The following KLF1 variants were observed in gnomAD, a reference collection of about 807,000 sequenced individuals.
The protein encoded by KLF1 is Krueppel-like factor 1.
A neutral mutation model predicts 28.0 loss-of-function variants in KLF1; 29 were observed. The observed-to-expected ratio is 1.04, with a 90% confidence interval of 0.77 to 1.41. KLF1 has a LOEUF of 1.41. KLF1 is among the 40% of genes most tolerant of loss of function. The pLI is 0.00. For missense variants in KLF1, 508 were observed against 515.1 expected (o/e 0.99, Z 0.13); for synonymous variants, 262 against 242.6 (o/e 1.08, Z -0.74).
Position 12,884,736 on chromosome 19 carries a change from T to C in KLF1, c.*149A>G. ...TATGGGTCCGTGTTTGATATTTGGG[T>C]GGATCTTTGGGAACGCGAGTCCAGG... On this transcript the variant is annotated 3_prime_UTR_variant, in exon 3 of 3. Coordinates refer to ENST00000264834, the MANE Select transcript of KLF1 (RefSeq NM_006563.5). 1 of 831,288 alleles carries C rather than the reference T, an allele frequency of 1.2e-6. No homozygotes were observed. The highest frequency in any genetic ancestry group is 1.9e-6 in the Non-Finnish European group (1 of 514,912). 51.5% of individuals were successfully genotyped at this position (831,288 alleles called of 1,614,324 possible). A position where few individuals can be genotyped will look rare whatever the true frequency, so the allele number is the denominator to read the frequency against.
Position 12,886,166 on chromosome 19 carries a change from G to A in KLF1, c.88-24C>T, listed in dbSNP as rs775195840. ...CACTGCGGGAGGGAGCAGGCAGCTC[G>A]AGGTTCGGTGGACACTGGGGTGCCC... On this transcript the variant is annotated intron_variant, in intron 1 of 2. Coordinates refer to ENST00000264834, the MANE Select transcript of KLF1 (RefSeq NM_006563.5). The A allele has an allele frequency of 3.2e-6, 5 of 1,570,956 alleles. No individual in the cohort carries two copies. The Admixed American group carries it at 6.8e-5, about 21-fold the overall frequency.
rs1290596172 is a variant in KLF1, at chr19:12,884,935, C to T, written c.1039G>A (p.Ala347Thr). ...RPFRCQLCPR[A>T]FSRSDHLALH... The stretch of plus-strand genomic sequence containing the variant: ...GCCAGGTGGTCAGAGCGCGAAAAAG[C>T]ACGTGGGCAGAGCTGGCAGCGGAAG... Residue 347 changes from alanine (A) to threonine (T), a missense_variant, in exon 3 of 3, where the codon GCT becomes ACT. Transcript: ENST00000264834. 1.9e-6 allele frequency: 3 copies of T among 1,613,822 alleles called. No individual in the cohort carries two copies. Among genetic ancestry groups the T allele is most frequent in the Non-Finnish European group, 2.5e-6 (3 of 1,180,044 alleles).
chr19:12,885,307 G>A lies in KLF1; in HGVS notation c.913+10C>T, dbSNP rs1970424266. The A allele has an allele frequency of 1.3e-6, 2 of 1,567,326 alleles. No homozygotes were observed. The highest frequency in any genetic ancestry group is 8.7e-7 in the Non-Finnish European group (1 of 1,155,316). On this transcript the variant is annotated intron_variant, in intron 2 of 2. Transcript: ENST00000264834. The surrounding 1 kb of genome is among the most constrained non-coding windows in gnomAD (Gnocchi z 5.6). ...CGCCCTTTCTCATGTCCGGGGCCCC[G>A]CCCCCTCACCTGTGTGCGTGCGCAG...
In KLF1 at chr19:12,885,928, G is replaced by A. The variant is rs1465444534; in HGVS notation, c.302C>T (p.Ala101Val). The A allele has an allele frequency of 6.4e-7, 1 of 1,554,228 alleles. No individual in the cohort carries two copies. ...PQTCALAPSE[A>V]SGAQYPPPPE... ...CGGCGGCGGATATTGCGCCCCGGAG[G>A]CCTCGCTGGGCGCCAGAGCGCAGGT... is the stretch of plus-strand genomic sequence containing the variant. The change falls in exon 2 of 3, where the codon GCC (alanine) becomes GTC (valine). Residue 101 changes from alanine to valine, a missense_variant. Physicochemically the swap from Ala to Val is moderately conservative, Grantham distance 64 (BLOSUM62 0). Coordinates refer to ENST00000264834, the MANE Select transcript of KLF1 (RefSeq NM_006563.5). This position sits in a 1 kb window ranked among gnomAD's most constrained non-coding sequence, Gnocchi z 5.6.
rs558942739 is a variant in KLF1, at chr19:12,885,421, G to C, written c.809C>G (p.Ser270Trp). The change falls in exon 2 of 3, where the codon TCG (serine) becomes TGG (tryptophan). Residue 270 changes from serine to tryptophan, a missense_variant. By Grantham distance (177) the Ser-to-Trp change is radical. Transcript: ENST00000264834. The surrounding 1 kb of genome is among the most constrained non-coding windows in gnomAD (Gnocchi z 5.6). The part of the protein sequence containing the change: ...ETAPSKRGRR[S>W]WARKRQAAHT... Reference sequence around the variant, plus strand: ...CGCTGCCTGCCTCTTGCGCGCCCACGAACGTCGGCCTCGCTTGGATGGCGC... The same window carrying C: ...CGCTGCCTGCCTCTTGCGCGCCCACCAACGTCGGCCTCGCTTGGATGGCGC... 7 of 1,606,066 alleles carry C rather than the reference G, an allele frequency of 4.4e-6. No homozygotes were observed. The East Asian group carries it at 1.6e-4, about 36-fold the overall frequency.
rs778995946 is a variant in KLF1, at chr19:12,884,994, G to C, written c.980C>G (p.Thr327Ser). The change falls in exon 3 of 3, where the codon ACC becomes AGC. Residue 327 changes from threonine to serine, a missense_variant. Transcript: ENST00000264834. Reference protein sequence around the residue: ...GWRFARSDELTRHYRKHTGQR... With the variant: ...GWRFARSDELSRHYRKHTGQR... ...CCCCGTGTGTTTCCGGTAGTGGCGGGTCAGCTCGTCCGAGCGCGCGAATCT... is the reference window on the plus strand; with the variant it reads ...CCCCGTGTGTTTCCGGTAGTGGCGGCTCAGCTCGTCCGAGCGCGCGAATCT... 3.0e-5 allele frequency: 49 copies of C among 1,610,924 alleles called. No individual in the cohort carries two copies. The highest frequency in any genetic ancestry group is 4.0e-5 in the Non-Finnish European group (47 of 1,179,880).
chr19:12,886,729 C>T (rs756262796), intron 1 of KLF1, among the ~76,000 whole-genome samples: 61 of 151,610 alleles, frequency 4.0e-4, no homozygotes, highest in Non-Finnish European at 8.1e-4. Flanking sequence ...CATCAGCCTA[C>T]GGAGTACCTG....
At position 12,885,495 on chromosome 19, in the gene KLF1, G is replaced by A. The variant is rs749588654; in HGVS notation, c.735C>T (p.Gly245=). Reference sequence around the variant, plus strand: ...CCTCTGCAGTCCCCCCGAGTCCAGTGCCCACCGTCCCGGGTCCCAAACAAC... The same window carrying A: ...CCTCTGCAGTCCCCCCGAGTCCAGTACCCACCGTCCCGGGTCCCAAACAAC... The part of the protein sequence containing the change: ...FLSCLGPGTV[G]TGLGGTAEDP... The change falls in exon 2 of 3, where the codon GGC becomes GGT. Residue 245 remains glycine, a synonymous_variant. Transcript: ENST00000264834. The surrounding 1 kb of genome is among the most constrained non-coding windows in gnomAD (Gnocchi z 5.6). 1 of 1,599,814 alleles carries A rather than the reference G, an allele frequency of 6.3e-7. No individual in the cohort carries two copies. Among genetic ancestry groups the A allele is most frequent in the Non-Finnish European group, 8.5e-7 (1 of 1,174,034 alleles).
In KLF1 at chr19:12,887,034, C is replaced by T. The variant is rs1401560657; in HGVS notation, c.87+20G>A. ...CTGGATTCCAGCCAGCCCACCTAGA[C>T]CCCACCTTCTAGGCCCCACCTTGAG... is the stretch of plus-strand genomic sequence containing the variant. On this transcript the variant is annotated intron_variant, in intron 1 of 2. Transcript: ENST00000264834. The surrounding 1 kb of genome is among the most constrained non-coding windows in gnomAD (Gnocchi z 4.7). 1 of 1,612,952 alleles carries T rather than the reference C, an allele frequency of 6.2e-7. No homozygotes were observed. The highest frequency in any genetic ancestry group is 8.5e-7 in the Non-Finnish European group (1 of 1,178,946).
Position 12,885,027 on chromosome 19 carries a change from C to T in KLF1, c.947G>A (p.Cys316Tyr), listed in dbSNP as rs2145926967. The T allele has an allele frequency of 6.2e-7, 1 of 1,608,718 alleles. No individual in the cohort carries two copies. The highest frequency in any genetic ancestry group is 2.2e-5 in the East Asian group (1 of 44,876). Residue 316 changes from cysteine to tyrosine, a missense_variant, in exon 3 of 3, where the codon TGC becomes TAC. Physicochemically the swap from Cys to Tyr is radical, Grantham distance 194. Coordinates refer to ENST00000264834, the MANE Select transcript of KLF1 (RefSeq NM_006563.5). The surrounding 1 kb of genome is among the most constrained non-coding windows in gnomAD (Gnocchi z 5.6). ...GTCCGAGCGCGCGAATCTCCAGCCG[C>T]AGCCTTCCCACGTGCAGGCGTATGG... ...EKPYACTWEG[C>Y]GWRFARSDEL...
Position 12,886,020 on chromosome 19 carries a change from G to T in KLF1, c.210C>A (p.Asp70Glu). 1 of 1,602,580 alleles carries T rather than the reference G, an allele frequency of 6.2e-7. No individual in the cohort carries two copies. Among genetic ancestry groups the T allele is most frequent in the Non-Finnish European group, 8.5e-7 (1 of 1,175,496 alleles). The change falls in exon 2 of 3, where the codon GAC becomes GAA. Residue 70 changes from aspartate to glutamate, a missense_variant. Transcript: ENST00000264834. ...GEEEDDERGADATWDLDLLLT... is the reference protein window; with the variant it reads ...GEEEDDERGAEATWDLDLLLT... ...GGAGGAGATCCAGGTCCCAGGTGGC[G>T]TCCGCGCCCCTCTCATCGTCCTCTT...
Position 12,885,609 on chromosome 19 carries a change from G to A in KLF1, c.621C>T (p.Tyr207=). 2 of 1,553,424 alleles carry A rather than the reference G, an allele frequency of 1.3e-6. No homozygotes were observed. Among genetic ancestry groups the A allele is most frequent in the African/African-American group, 1.4e-5 (1 of 73,532 alleles). ...AGTGCCCTTGGTACTGAGGCGCCGG[G>A]TACATCGCGGGGTACCCGGACAGTA... The part of the protein sequence containing the change: ...YGLLSGYPAM[Y]PAPQYQGHFQ... The change falls in exon 2 of 3, where the codon TAC becomes TAT. Residue 207 remains tyrosine, a synonymous_variant. Transcript: ENST00000264834. The surrounding 1 kb of genome is among the most constrained non-coding windows in gnomAD (Gnocchi z 5.6).
rs779672835 is a variant in KLF1 at position 12,887,081 on chromosome 19, G to T, written c.60C>A (p.Phe20Leu). Reference sequence around the variant, plus strand: ...TGAGGAAGTCATCCTGTGTGTCCGGGAAGGGGCCCAGGGCGGTCAGTGTGC... The same window carrying T: ...TGAGGAAGTCATCCTGTGTGTCCGGTAAGGGGCCCAGGGCGGTCAGTGTGC... Reference protein sequence around the residue: ...SISTLTALGPFPDTQDDFLKW... With the variant: ...SISTLTALGPLPDTQDDFLKW... The change falls in exon 1 of 3, where the codon TTC becomes TTA. Residue 20 changes from phenylalanine to leucine, a missense_variant. Physicochemically the swap from Phe to Leu is conservative, Grantham distance 22. Transcript: ENST00000264834. This position sits in a 1 kb window ranked among gnomAD's most constrained non-coding sequence, Gnocchi z 4.7. 2 of 1,614,194 alleles carry T rather than the reference G, an allele frequency of 1.2e-6. No individual in the cohort carries two copies. Among genetic ancestry groups the T allele is most frequent in the Non-Finnish European group, 1.7e-6 (2 of 1,180,026 alleles).
In KLF1 at chr19:12,885,992, T is replaced by A; in HGVS notation, c.238A>T (p.Thr80Ser). 1 of 1,592,932 alleles carries A rather than the reference T, an allele frequency of 6.3e-7. No homozygotes were observed. Among genetic ancestry groups the A allele is most frequent in the South Asian group, 1.1e-5 (1 of 88,166 alleles). ...DATWDLDLLLTNFSGPEPGGA... is the reference protein window; with the variant it reads ...DATWDLDLLLSNFSGPEPGGA... ...CCGGGCTCCGGGCCCGAGAAGTTGG[T>A]GAGGAGGAGATCCAGGTCCCAGGTG... The change falls in exon 2 of 3, where the codon ACC becomes TCC. Residue 80 changes from threonine to serine, a missense_variant. Coordinates refer to ENST00000264834, the MANE Select transcript of KLF1 (RefSeq NM_006563.5). The surrounding 1 kb of genome is among the most constrained non-coding windows in gnomAD (Gnocchi z 5.6).
In KLF1 at chr19:12,884,775, G is replaced by T. The variant is rs185829666; in HGVS notation, c.*110C>A. ...CGCGAGTCCAGGAGAGGGTCCATTC[G>T]TGGGAAAACCACCCAGCATTGTGTC... On this transcript the variant is annotated 3_prime_UTR_variant, in exon 3 of 3. Coordinates refer to ENST00000264834, the MANE Select transcript of KLF1 (RefSeq NM_006563.5). 2 of 1,230,234 alleles carry T rather than the reference G, an allele frequency of 1.6e-6. No homozygotes were observed. Among genetic ancestry groups the T allele is most frequent in the Non-Finnish European group, 2.3e-6 (2 of 852,466 alleles). The allele number at this position is 1,230,234 out of a possible 1,614,324, so 76.2% of individuals were successfully genotyped here.
At position 12,885,268 on chromosome 19, in the gene KLF1, T is replaced by C; in HGVS notation, c.913+49A>G. 1.3e-6 allele frequency: 2 copies of C among 1,502,124 alleles called. No individual in the cohort carries two copies. The highest frequency in any genetic ancestry group is 1.8e-6 in the Non-Finnish European group (2 of 1,106,178). The allele number at this position is 1,502,124 out of a possible 1,614,324, so 93.0% of individuals were successfully genotyped here. A position where few individuals can be genotyped will look rare whatever the true frequency, so the allele number is the denominator to read the frequency against. ...TCTGCAACCCTTCTTCCCCTGTAAC[T>C]ACAGCGGGCGCCGCGCCCTTTCTCA... is the stretch of plus-strand genomic sequence containing the variant. On this transcript the variant is annotated intron_variant, in intron 2 of 2. Transcript: ENST00000264834. The surrounding 1 kb of genome is among the most constrained non-coding windows in gnomAD (Gnocchi z 5.6).
chr19:12,886,705 T>A (rs1599602403), intron 1 of KLF1, among the ~76,000 whole-genome samples: 1 of 151,510 alleles, frequency 6.6e-6, no homozygotes, highest in African/African-American at 2.4e-5. Flanking sequence ...TCCTGGGCTC[T>A]AATGATCCTC....
rs1970439661 is a variant in KLF1, at chr19:12,885,892, A to C, written c.338T>G (p.Leu113Arg). Residue 113 changes from leucine to arginine, a missense_variant, in exon 2 of 3, where the codon CTG becomes CGG. Leu to Arg is a moderately radical substitution (Grantham distance 102). Transcript: ENST00000264834. The surrounding 1 kb of genome is among the most constrained non-coding windows in gnomAD (Gnocchi z 5.6). ...CCCCGGGCCGCCAGCATATGCGCCC[A>C]GAGTCTCGGGCGGCGGCGGATATTG... ...GAQYPPPPET[L>R]GAYAGGPGLV... The C allele has an allele frequency of 6.4e-7, 1 of 1,551,976 alleles. No homozygotes were observed. The highest frequency in any genetic ancestry group is 1.4e-5 in the African/African-American group (1 of 73,036).
rs1288868467 is a variant in KLF1, at chr19:12,887,109, A to T, written c.32T>A (p.Ile11Asn). The change falls in exon 1 of 3, where the codon ATC becomes AAC. Residue 11 changes from isoleucine (I) to asparagine (N), a missense_variant. Ile to Asn is a moderately radical substitution (Grantham distance 149). Transcript: ENST00000264834. This position sits in a 1 kb window ranked among gnomAD's most constrained non-coding sequence, Gnocchi z 4.7. ...GGGGCCCAGGGCGGTCAGTGTGCTG[A>T]TGGAGGGCAAGGCGGTCTCGGCTGT... MATAETALPSISTLTALGPFP... is the reference protein window; with the variant it reads MATAETALPSNSTLTALGPFP... 1 of 1,613,920 alleles carries T rather than the reference A, an allele frequency of 6.2e-7. No homozygotes were observed. The highest frequency in any genetic ancestry group is 1.1e-5 in the South Asian group (1 of 91,060).
Sources: gnomAD v4.1 joint callset for allele counts (sites outside exome capture counted in the v4.1 genomes callset) on GRCh38, gnomAD v4.1.1 for gene constraint, Gnocchi (gnomAD v3.1) non-coding constraint, MANE v1.5 for transcripts, NCBI Gene and HGNC (gene_info 2026-07-23, HGNC 2026-07-21) for gene names.